KCNH8: variants seen among roughly 807,000 people sequenced by gnomAD.
The protein encoded by KCNH8 is potassium voltage-gated channel subfamily H member 8.
Under a neutral mutation model 103.6 loss-of-function variants are expected in KCNH8, and 70 were observed. The ratio of observed to expected loss-of-function variants is 0.68; its 90% confidence interval spans 0.56 to 0.82. KCNH8 has a LOEUF of 0.82. Ranked by LOEUF, KCNH8 falls within the 40% of genes least tolerant of loss-of-function variation. The pLI, the probability that KCNH8 is intolerant of heterozygous loss-of-function variation, is 0.00. For missense variants in KCNH8, 1,217 were observed against 1,329.9 expected (o/e 0.92, Z 1.32); for synonymous variants, 498 against 489.4 (o/e 1.02, Z -0.23).
At position 19,329,435 on chromosome 3, in the gene KCNH8, A is replaced by G. The variant is rs544313887; in HGVS notation, c.443-13152A>G. Among the ~76,000 whole-genome samples the G allele has an allele frequency of 7.9e-5, 12 of 152,348 alleles. No homozygotes were observed. The South Asian group carries it at 2.5e-3, about 32-fold the overall frequency. Reference sequence around the variant, plus strand: ...ACATTGTAGAAACAGCATAGGAACAATAAGAACAATAGGTAAAGCTATAAT... The same window carrying G: ...ACATTGTAGAAACAGCATAGGAACAGTAAGAACAATAGGTAAAGCTATAAT... On this transcript the variant is annotated intron_variant, in intron 3 of 15. Coordinates refer to ENST00000328405, the MANE Select transcript of KCNH8 (RefSeq NM_144633.3).
At chr3:19,207,157 A>G (rs2063725583) in intron 1 of KCNH8, among the ~76,000 whole-genome samples, 2 of 152,038 alleles carry the variant, frequency 1.3e-5, no homozygotes, top group African/African-American at 2.4e-5. Flanking sequence ...GGGAACATAA[A>G]TAGAAGAGTA....
At chr3:19,519,177 G>A (rs1439232706) in intron 15 of KCNH8, among the ~76,000 whole-genome samples, 1 of 151,920 alleles carries the variant, frequency 6.6e-6, no homozygotes, top group Non-Finnish European at 1.5e-5. Flanking sequence ...AGAATATGCA[G>A]CAAAACCTGT....
rs182787455 is a variant in KCNH8, at chr3:19,328,737, T to C, written c.443-13850T>C. On this transcript the variant is annotated intron_variant, in intron 3 of 15. Coordinates refer to ENST00000328405, the MANE Select transcript of KCNH8 (RefSeq NM_144633.3). The stretch of plus-strand genomic sequence containing the variant: ...TATCTTTCTTGATTCATACATTATT[T>C]TGTGTGATTAGAATTTCCATAAAAG... Among the ~76,000 whole-genome samples, 1,517 of 152,294 alleles carry C rather than the reference T, an allele frequency of 1.0e-2. 10 individuals are homozygous for C. The highest frequency in any genetic ancestry group is 0.017 in the Non-Finnish European group (1,154 of 68,010).
At chr3:19,315,696 A>C (rs1371419269) in intron 3 of KCNH8, among the ~76,000 whole-genome samples, 1 of 152,026 alleles carries the variant, frequency 6.6e-6, no homozygotes, top group Admixed American at 6.6e-5. Flanking sequence ...TTGTGCACTT[A>C]AAATACATCA....
intron 2 of KCNH8, among the ~76,000 whole-genome samples, chr3:19,256,946 A>G (rs1321031443): frequency 1.3e-5 from 2 of 152,108 alleles, no homozygotes; most frequent in Non-Finnish European, 2.9e-5. Flanking sequence ...ATCTGTCTGC[A>G]GATACAGTTG....
chr3:19,452,053 T>G (rs375150200), intron 10 of KCNH8, among the ~76,000 whole-genome samples: 11 of 152,296 alleles, frequency 7.2e-5, no homozygotes, highest in Admixed American at 2.6e-4. Flanking sequence ...GTTAATGTAT[T>G]GAAAATCTTA....
At position 19,296,905 on chromosome 3, in the gene KCNH8, A is replaced by G. The variant is rs559195812; in HGVS notation, c.442+15576A>G. The stretch of plus-strand genomic sequence containing the variant: ...TGAAAAGGAACAACTTCTACTAACT[A>G]CAAGTGAAGAAAAGTAGTGAGTCTA... On this transcript the variant is annotated intron_variant, in intron 3 of 15. Transcript: ENST00000328405. Among the ~76,000 whole-genome samples, 4 of 152,204 alleles carry G rather than the reference A, an allele frequency of 2.6e-5. No homozygotes were observed. In the South Asian group the frequency reaches 8.3e-4, roughly 32 times the overall value.
intron 1 of KCNH8, among the ~76,000 whole-genome samples, chr3:19,182,364 T>TA (rs1269063720): frequency 1.3e-5 from 2 of 151,802 alleles, no homozygotes; most frequent in Admixed American, 6.6e-5. Context: ...CCGTCTCTAC[T>TA]AAAAAAATAC....
At chr3:19,360,288 G>A (rs1463295327) in intron 5 of KCNH8, among the ~76,000 whole-genome samples, 7 of 151,964 alleles carry the variant, frequency 4.6e-5, no homozygotes, top group South Asian at 2.1e-4. Context: ...TATATTCACC[G>A]AATAGTAGAG....
intron 1 of KCNH8, among the ~76,000 whole-genome samples, chr3:19,240,338 C>A (rs540383142): frequency 6.6e-6 from 1 of 152,096 alleles, no homozygotes; most frequent in African/African-American, 2.4e-5. Context: ...TTAGGCCAGG[C>A]GCAGTGGCTC....
chr3:19,328,072 C>T (rs1302145786), intron 3 of KCNH8, among the ~76,000 whole-genome samples: 2 of 152,152 alleles, frequency 1.3e-5, no homozygotes, highest in South Asian at 4.1e-4. Context: ...AGAAGAAAAA[C>T]ATTTTTGAAA....
chr3:19,381,386 A>T (rs1038267978), intron 5 of KCNH8, among the ~76,000 whole-genome samples: 9 of 152,178 alleles, frequency 5.9e-5, no homozygotes, highest in African/African-American at 2.2e-4. Context: ...TACAAAATCA[A>T]TTGTAGTTGG....
chr3:19,488,646 C>T (rs944146656), intron 11 of KCNH8, among the ~76,000 whole-genome samples: 5 of 152,076 alleles, frequency 3.3e-5, no homozygotes, highest in African/African-American at 1.2e-4. Context: ...ACCTTTTGAG[C>T]CCCTTTCTTT....
At chr3:19,331,608 A>G (rs1401183449) in intron 3 of KCNH8, among the ~76,000 whole-genome samples, 1 of 152,044 alleles carries the variant, frequency 6.6e-6, no homozygotes, top group Non-Finnish European at 1.5e-5. Flanking sequence ...TTTAATTTTT[A>G]TGGGTACATC....
intron 1 of KCNH8, among the ~76,000 whole-genome samples, chr3:19,150,372 T>C (rs2063117283): frequency 6.6e-6 from 1 of 151,864 alleles, no homozygotes; most frequent in South Asian, 2.1e-4. Flanking sequence ...AAGTTGAACA[T>C]CCAAAACTAA....
intron 6 of KCNH8, among the ~76,000 whole-genome samples, chr3:19,394,886 CA>C (rs2066491707): frequency 6.6e-6 from 1 of 151,988 alleles, no homozygotes; most frequent in African/African-American, 2.4e-5. Flanking sequence ...GGTGTTTACT[CA>C]AATAAATTAA....
At chr3:19,289,320 G>A (rs1365172222) in intron 3 of KCNH8, among the ~76,000 whole-genome samples, 1 of 152,080 alleles carries the variant, frequency 6.6e-6, no homozygotes, top group Non-Finnish European at 1.5e-5. Flanking sequence ...GTCCTGAATG[G>A]TATTGCCTAG....
At chr3:19,287,535 T>G (rs2064848559) in intron 3 of KCNH8, among the ~76,000 whole-genome samples, 1 of 152,030 alleles carries the variant, frequency 6.6e-6, no homozygotes, top group Admixed American at 6.6e-5. Context: ...TTCAAATTAT[T>G]TAAGAATCAG....
chr3:19,521,647 T>C (rs1253085059), intron 15 of KCNH8, among the ~76,000 whole-genome samples: 2 of 151,904 alleles, frequency 1.3e-5, no homozygotes, highest in Non-Finnish European at 2.9e-5. Context: ...GTTATGAAAA[T>C]CACTATTTTC....
Sources: gnomAD v4.1 joint callset for allele counts (sites outside exome capture counted in the v4.1 genomes callset) on GRCh38, gnomAD v4.1.1 for gene constraint, MANE v1.5 for transcripts, NCBI Gene and HGNC (gene_info 2026-07-23, HGNC 2026-07-21) for gene names.